The following SPAG16 variants were observed in gnomAD, a reference collection of about 807,000 sequenced individuals.
SPAG16 encodes the protein sperm-associated antigen 16 protein.
In SPAG16, 86 loss-of-function variants were observed where a neutral mutation model predicts 80.4. The observed-to-expected ratio is 1.07, with a 90% CI of 0.90 to 1.28. The LOEUF is 1.28. Among genes scored for constraint, SPAG16 ranks in the 50% most tolerant of loss-of-function variants. The pLI is 0.00. For missense variants in SPAG16, 870 were observed against 765.3 expected, an observed-to-expected ratio of 1.14 and a Z score of -1.61; for synonymous variants, 294 against 265.9, an observed-to-expected ratio of 1.11 and a Z score of -1.03.
At chr2:214,062,020 C>CACACACACACAA (rs1553706944) in intron 13 of SPAG16, among the ~76,000 whole-genome samples, 4 of 146,562 alleles carry the variant, frequency 2.7e-5, no homozygotes, top group Admixed American at 6.8e-5. Flanking sequence ...CACACACACA[C>CACACACACACAA]GCAGTGTGTA....
At chr2:214,276,603 A>G (rs1692480315) in intron 15 of SPAG16, among the ~76,000 whole-genome samples, 1 of 152,226 alleles carries the variant, frequency 6.6e-6, no homozygotes, top group African/African-American at 2.4e-5. Context: ...TCTTTTAAGA[A>G]TGTTGAATGT....
chr2:214,383,599 C>T (rs1394272947), intron 15 of SPAG16, among the ~76,000 whole-genome samples: 2 of 150,074 alleles, frequency 1.3e-5, no homozygotes, highest in Non-Finnish European at 3.0e-5. Flanking sequence ...AAAAAAAAGA[C>T]ATATTTAGAC....
At chr2:213,818,520 A>G (rs906155035) in intron 10 of SPAG16, among the ~76,000 whole-genome samples, 1 of 152,206 alleles carries the variant, frequency 6.6e-6, no homozygotes, top group Non-Finnish European at 1.5e-5. Context: ...TGCCAAGTCC[A>G]TGTATATATG....
chr2:213,918,016 A>T (rs1307435876), intron 11 of SPAG16, among the ~76,000 whole-genome samples: 2 of 152,164 alleles, frequency 1.3e-5, no homozygotes, highest in Non-Finnish European at 2.9e-5. Flanking sequence ...TTCTGCATCT[A>T]TTGAGATAAT....
chr2:213,880,190 T>C (rs908171161), intron 11 of SPAG16, among the ~76,000 whole-genome samples: 3 of 152,218 alleles, frequency 2.0e-5, no homozygotes, highest in Admixed American at 6.5e-5. Context: ...TGAAATAGTA[T>C]TTAATTGTAG....
At chr2:213,929,640 C>A (rs1198815261) in intron 11 of SPAG16, among the ~76,000 whole-genome samples, 1 of 151,294 alleles carries the variant, frequency 6.6e-6, no homozygotes, top group Non-Finnish European at 1.5e-5. Flanking sequence ...CATCCAGAGC[C>A]TAATATATAC....
intron 15 of SPAG16, among the ~76,000 whole-genome samples, chr2:214,286,078 A>C (rs1191470355): frequency 2.0e-5 from 3 of 152,242 alleles, no homozygotes; most frequent in Non-Finnish European, 2.9e-5. Context: ...AGCCAGACAC[A>C]GAAAGATAAA....
intron 9 of SPAG16, among the ~76,000 whole-genome samples, chr2:213,425,443 A>G (rs1373523425): frequency 2.6e-5 from 4 of 152,154 alleles, no homozygotes; most frequent in Admixed American, 1.3e-4. Context: ...TGAGGTCAGG[A>G]GTTTGAGATC....
Position 213,759,967 on chromosome 2 carries a change from G to A in SPAG16, c.1071-102518G>A, listed in dbSNP as rs1351092066. On this transcript the variant is annotated intron_variant, in intron 10 of 15. Coordinates refer to ENST00000331683, the MANE Select transcript of SPAG16 (RefSeq NM_024532.5). ...GGAGAATCACTTGAACCCAGGAGGCGGAGGCTGCAGTGATCCAAGATTGTG... is the reference window on the plus strand; with the variant it reads ...GGAGAATCACTTGAACCCAGGAGGCAGAGGCTGCAGTGATCCAAGATTGTG... Among the ~76,000 whole-genome samples, 5 of 152,002 alleles carry A rather than the reference G, an allele frequency of 3.3e-5. 1 individual carries two copies. Among genetic ancestry groups the A allele is most frequent in the South Asian group, 4.1e-4 (2 of 4,826 alleles).
intron 11 of SPAG16, among the ~76,000 whole-genome samples, chr2:213,870,082 G>A (rs926997244): frequency 4.6e-5 from 7 of 152,076 alleles, no homozygotes; most frequent in East Asian, 1.9e-4. Context: ...CCTCTGTGTC[G>A]TTTGTATTCA....
At chr2:213,766,369 TTTAAA>T (rs1443800971) in intron 10 of SPAG16, among the ~76,000 whole-genome samples, 2 of 152,192 alleles carry the variant, frequency 1.3e-5, no homozygotes, top group African/African-American at 4.8e-5. Flanking sequence ...ATTGTACACT[TTTAAA>T]TGGTGAATTT....
chr2:214,010,282 G>GA (rs1357286523), intron 12 of SPAG16, among the ~76,000 whole-genome samples: 1 of 144,962 alleles, frequency 6.9e-6, no homozygotes, highest in Admixed American at 6.7e-5. Context: ...TATTAAAAAT[G>GA]AAAAAAATAA....
intron 10 of SPAG16, among the ~76,000 whole-genome samples, chr2:213,693,721 A>C (rs2065040341): frequency 6.6e-6 from 1 of 152,204 alleles, no homozygotes; most frequent in South Asian, 2.1e-4. Flanking sequence ...GAGAGACTTA[A>C]GTATATTTAG....
intron 11 of SPAG16, among the ~76,000 whole-genome samples, chr2:213,912,968 A>G (rs1191079850): frequency 6.6e-6 from 1 of 152,176 alleles, no homozygotes; most frequent in East Asian, 1.9e-4. Flanking sequence ...TATTTGACCC[A>G]TTCCCCTACT....
Position 213,348,033 on chromosome 2 carries a change from A to G in SPAG16, c.645-2495A>G, listed in dbSNP as rs571413441. On this transcript the variant is annotated intron_variant, in intron 6 of 15. Transcript: ENST00000331683. ...TGTGTGGGAGTCTAAGTCTTTTTGT[A>G]GGTCTCTAAGGACTTGCTTTAAGAA... Among the ~76,000 whole-genome samples, 75 of 152,240 alleles carry G rather than the reference A, an allele frequency of 4.9e-4. 1 individual carries two copies. In the East Asian group the frequency reaches 0.013, roughly 27 times the overall value.
intron 12 of SPAG16, among the ~76,000 whole-genome samples, chr2:213,997,740 G>A (rs2124846366): frequency 6.6e-6 from 1 of 152,098 alleles, no homozygotes; most frequent in Admixed American, 6.5e-5. Context: ...AGCTGATGAG[G>A]TTATAAAAAA....
At chr2:213,728,010 G>A (rs909929357) in intron 10 of SPAG16, among the ~76,000 whole-genome samples, 10 of 151,884 alleles carry the variant, frequency 6.6e-5, no homozygotes, top group Non-Finnish European at 8.8e-5. Context: ...CACCACTCTC[G>A]GTTAATTTTT....
chr2:213,591,368 A>G (rs1430157250), intron 10 of SPAG16, among the ~76,000 whole-genome samples: 5 of 152,204 alleles, frequency 3.3e-5, no homozygotes, highest in African/African-American at 1.2e-4. Flanking sequence ...GCTAACATCA[A>G]TTAGTAGTAA....
chr2:214,176,485 C>T (rs1248756544), intron 15 of SPAG16, among the ~76,000 whole-genome samples: 1 of 151,058 alleles, frequency 6.6e-6, no homozygotes, highest in East Asian at 1.9e-4. Flanking sequence ...GGCTACTAAG[C>T]GGTCTTTCAA....
Sources: gnomAD v4.1 joint callset for allele counts (sites outside exome capture counted in the v4.1 genomes callset) on GRCh38, gnomAD v4.1.1 for gene constraint, MANE v1.5 for transcripts, NCBI Gene and HGNC (gene_info 2026-07-23, HGNC 2026-07-21) for gene names.